DNAJC1: variants seen among roughly 807,000 people sequenced by gnomAD.
The protein encoded by DNAJC1 is dnaJ homolog subfamily C member 1.
Under a neutral mutation model 76.6 loss-of-function variants are expected in DNAJC1, and 58 were observed. That is an observed-to-expected ratio of 0.76 (90% CI 0.61 to 0.94). DNAJC1 has a LOEUF of 0.94. Ranked by LOEUF, DNAJC1 falls within the 40% of genes least tolerant of loss-of-function variation. The pLI, the probability that DNAJC1 is intolerant of heterozygous loss-of-function variation, is 0.00. For synonymous variants in DNAJC1, 258 were observed against 267.9 expected (o/e 0.96, Z 0.36); for missense variants, 689 against 677.3 (o/e 1.02, Z -0.19).
intron 8 of DNAJC1, among the ~76,000 whole-genome samples, chr10:21,874,227 G>A (rs1393258482): frequency 6.6e-6 from 1 of 152,154 alleles, no homozygotes. Context: ...CCCAGCCTGG[G>A]CAACATAGTG....
At chr10:21,778,404 T>C (rs1834480599) in intron 9 of DNAJC1, among the ~76,000 whole-genome samples, 1 of 152,208 alleles carries the variant, frequency 6.6e-6, no homozygotes, top group African/African-American at 2.4e-5. Context: ...TGTGGGTCAC[T>C]GGATGTCACA....
At chr10:21,898,526 T>C (rs189188268) in intron 7 of DNAJC1, among the ~76,000 whole-genome samples, 1 of 152,038 alleles carries the variant, frequency 6.6e-6, no homozygotes, top group Admixed American at 6.6e-5. Flanking sequence ...AGCATGTTAT[T>C]AGGTTATGTA....
intron 8 of DNAJC1, among the ~76,000 whole-genome samples, chr10:21,830,091 A>C (rs1168151204): frequency 6.6e-6 from 1 of 152,092 alleles, no homozygotes; most frequent in Non-Finnish European, 1.5e-5. Context: ...CATGTATTTT[A>C]GTTTTAGTTT....
intron 6 of DNAJC1, among the ~76,000 whole-genome samples, chr10:21,912,745 C>G (rs928482373): frequency 6.6e-6 from 1 of 151,998 alleles, no homozygotes; most frequent in Admixed American, 6.6e-5. Flanking sequence ...TGCCTCATAG[C>G]CTTTTAGAAG....
intron 8 of DNAJC1, chr10:21,865,335 T>C (rs960107096): frequency 6.6e-6 from 1 of 152,076 alleles, no homozygotes; most frequent in African/African-American, 2.4e-5. Context: ...GTCCATGAAA[T>C]AGTGAATGAA....
At chr10:21,908,170 A>ATT (rs1178136302) in intron 6 of DNAJC1, among the ~76,000 whole-genome samples, 2 of 106,252 alleles carry the variant, frequency 1.9e-5, no homozygotes, top group East Asian at 4.4e-4. Flanking sequence ...AAAAATATAT[A>ATT]ATATATAATA....
chr10:21,828,886 A>G (rs1432232382), intron 8 of DNAJC1, among the ~76,000 whole-genome samples: 1 of 152,222 alleles, frequency 6.6e-6, no homozygotes, highest in Non-Finnish European at 1.5e-5. Context: ...TTTTCTCTAT[A>G]TATATCAGAA....
At chr10:21,945,340 T>A (rs1210302202) in intron 1 of DNAJC1, among the ~76,000 whole-genome samples, 1 of 152,146 alleles carries the variant, frequency 6.6e-6, no homozygotes, top group Non-Finnish European at 1.5e-5. Flanking sequence ...TTCAAGAAAT[T>A]TGGCTGTTGA....
At chr10:21,835,763 A>G (rs1051008626) in intron 8 of DNAJC1, among the ~76,000 whole-genome samples, 13 of 152,204 alleles carry the variant, frequency 8.5e-5, no homozygotes, top group Admixed American at 8.5e-4. Flanking sequence ...AAGCGAGAAG[A>G]GAAGTTTACA....
At chr10:21,940,322 C>T (rs1837385810) in intron 1 of DNAJC1, among the ~76,000 whole-genome samples, 1 of 152,118 alleles carries the variant, frequency 6.6e-6, no homozygotes. Flanking sequence ...CTTTGGGTTT[C>T]TCCATAATAG....
intron 9 of DNAJC1, among the ~76,000 whole-genome samples, chr10:21,790,734 CA>C: frequency 6.6e-6 from 1 of 151,728 alleles, no homozygotes; most frequent in East Asian, 1.9e-4. Context: ...AGCAAATACA[CA>C]AAGCAGAAAA....
chr10:21,876,856 T>A (rs1836196840), intron 8 of DNAJC1, among the ~76,000 whole-genome samples: 1 of 152,244 alleles, frequency 6.6e-6, no homozygotes, highest in Non-Finnish European at 1.5e-5. Flanking sequence ...AACAAAACAT[T>A]AATCTTGATC....
At chr10:21,917,185 A>T (rs576404711) in intron 6 of DNAJC1, among the ~76,000 whole-genome samples, 3 of 152,082 alleles carry the variant, frequency 2.0e-5, no homozygotes, top group Non-Finnish European at 2.9e-5. Flanking sequence ...TCATTTTTGT[A>T]TATTTTCTAC....
chr10:21,858,828 T>C (rs1413822185), intron 8 of DNAJC1, among the ~76,000 whole-genome samples: 1 of 152,180 alleles, frequency 6.6e-6, no homozygotes, highest in Non-Finnish European at 1.5e-5. Context: ...TGTTATAATA[T>C]TTATGGTGGA....
Position 21,887,946 on chromosome 10 carries a change from C to A in DNAJC1, c.821-5507G>T, listed in dbSNP as rs180693108. ...AGAAACTATCGACAGAGTAAAAAGA[C>A]AACCTACAGAATGGGAGAAAATTTT... On this transcript the variant is annotated intron_variant, in intron 7 of 11. Coordinates refer to ENST00000376980, the MANE Select transcript of DNAJC1 (RefSeq NM_022365.4). 2.2e-3 allele frequency among the ~76,000 whole-genome samples: 329 copies of A among 152,214 alleles called. 3 individuals carry two copies. The highest frequency in any genetic ancestry group is 7.5e-3 in the African/African-American group (313 of 41,538).
intron 6 of DNAJC1, among the ~76,000 whole-genome samples, chr10:21,908,328 G>C (rs1339508308): frequency 7.6e-6 from 1 of 132,218 alleles, no homozygotes; most frequent in Non-Finnish European, 1.5e-5. Flanking sequence ...AAATGAAATC[G>C]GCTGATTTTG....
chr10:21,932,040 G>A (rs887123527), intron 1 of DNAJC1, among the ~76,000 whole-genome samples: 15 of 151,944 alleles, frequency 9.9e-5, no homozygotes, highest in East Asian at 7.7e-4. Context: ...AAAACAAAAC[G>A]AAAAAACACT....
intron 1 of DNAJC1, among the ~76,000 whole-genome samples, chr10:22,001,927 C>A (rs965170800): frequency 6.6e-6 from 1 of 152,104 alleles, no homozygotes; most frequent in African/African-American, 2.4e-5. Context: ...GGGAGGGGCA[C>A]CAGGCAACAG....
At chr10:21,821,969 T>C (rs558284261) in intron 8 of DNAJC1, among the ~76,000 whole-genome samples, 8 of 152,296 alleles carry the variant, frequency 5.3e-5, no homozygotes, top group African/African-American at 1.4e-4. Flanking sequence ...TATATTCTAC[T>C]ATGGCGCATC....
Sources: gnomAD v4.1 joint callset for allele counts (sites outside exome capture counted in the v4.1 genomes callset) on GRCh38, gnomAD v4.1.1 for gene constraint, MANE v1.5 for transcripts, NCBI Gene and HGNC (gene_info 2026-07-23, HGNC 2026-07-21) for gene names.